Variants in TIMD4 observed in about 807,000 individuals in gnomAD.
TIMD4 encodes T-cell immunoglobulin and mucin domain-containing protein 4.
TIMD4 carries 31 observed loss-of-function variants against 41.2 expected under a neutral mutation model. That is an observed-to-expected ratio of 0.75 (90% CI 0.57 to 1.01). The LOEUF (loss-of-function observed/expected upper bound fraction) is 1.01. TIMD4 is among the 50% of genes least tolerant of loss of function. The pLI is 0.00. For synonymous variants in TIMD4, 204 were observed against 177.1 expected (o/e 1.15, Z -1.21); for missense variants, 479 against 472.5 (o/e 1.01, Z -0.13).
At chr5:156,935,598 A>G (rs1367807277) in intron 5 of TIMD4, 1 of 152,202 alleles carries the variant, frequency 6.6e-6, no homozygotes, top group Non-Finnish European at 1.5e-5. Context: ...TGTGGTTCAG[A>G]AAGAGAAAGA....
intron 5 of TIMD4, among the ~76,000 whole-genome samples, chr5:156,933,926 A>G (rs967025924): frequency 6.6e-6 from 1 of 152,088 alleles, no homozygotes. Flanking sequence ...AACAACCCCC[A>G]TGGTATCAAG....
At chr5:156,932,127 TAA>T (rs1426104681) in intron 5 of TIMD4, among the ~76,000 whole-genome samples, 1 of 152,152 alleles carries the variant, frequency 6.6e-6, no homozygotes, top group African/African-American at 2.4e-5. Context: ...AAAAGAAACA[TAA>T]AGACTAAATA....
At chr5:156,953,621 T>C (rs2113387818) in intron 2 of TIMD4, among the ~76,000 whole-genome samples, 1 of 120,304 alleles carries the variant, frequency 8.3e-6, no homozygotes, top group South Asian at 2.8e-4. Flanking sequence ...GCCACTGTAC[T>C]CCAGCCTGGG....
intron 5 of TIMD4, among the ~76,000 whole-genome samples, chr5:156,928,501 T>C (rs1003222208): frequency 3.3e-5 from 5 of 152,172 alleles, no homozygotes; most frequent in African/African-American, 7.2e-5. Flanking sequence ...TAAAGTCATA[T>C]GTACAATAAA....
chr5:156,922,059 G>A, intron 7 of TIMD4, 40 bp downstream of exon 7: 1 of 1,515,740 alleles, frequency 6.6e-7, no homozygotes, highest in Non-Finnish European at 9.1e-7. Flanking sequence ...GCAGTCGCCA[G>A]GGTTCTGAAG....
intron 5 of TIMD4, among the ~76,000 whole-genome samples, chr5:156,936,932 GAAAAAA>G (rs979433463): frequency 4.3e-5 from 4 of 92,624 alleles, no homozygotes; most frequent in East Asian, 3.2e-4. Flanking sequence ...ACTCCGTCTG[GAAAAAA>G]AAAAAAAAAA....
chr5:156,922,172 G>A lies in TIMD4; in HGVS notation c.939C>T (p.Ser313=). 1 of 1,614,020 alleles carries A rather than the reference G, an allele frequency of 6.2e-7. No individual in the cohort carries two copies. The change falls in exon 7 of 9, where the codon TCC becomes TCT. Residue 313 remains serine (S), a synonymous_variant. Transcript: ENST00000274532. ...PMSMKNEMPI[S]QLLMIIAPSL... is the part of the protein sequence containing the mutation. ...AGGGGGCGATGATCATCAGTAGTTG[G>A]GAGATGGGCATTTCATTCTTCATTG...
intron 5 of TIMD4, among the ~76,000 whole-genome samples, chr5:156,936,525 A>G (rs566246501): frequency 6.6e-6 from 1 of 152,260 alleles, no homozygotes; most frequent in East Asian, 1.9e-4. Context: ...GTAGGAAGGG[A>G]CAGAGCAAAT....
chr5:156,934,287 C>T (rs553189579), intron 5 of TIMD4, among the ~76,000 whole-genome samples: 7 of 152,020 alleles, frequency 4.6e-5, no homozygotes, highest in Non-Finnish European at 8.8e-5. Flanking sequence ...GTTCTGTCGC[C>T]TAGGCTTAAG....
intron 2 of TIMD4, among the ~76,000 whole-genome samples, chr5:156,953,664 AAAAAAAAAAAAGAG>A (rs1759906824): frequency 6.9e-6 from 1 of 145,930 alleles, no homozygotes; most frequent in African/African-American, 2.7e-5. Context: ...AAAAAAAAAA[AAAAAAAAAAAAGAG>A]AGAGAGAGAG....
chr5:156,922,130 G>T lies in TIMD4; in HGVS notation c.981C>A (p.Leu327=). The change falls in exon 7 of 9, where the codon CTC becomes CTA. Residue 327 remains leucine (L), a synonymous_variant. Coordinates refer to ENST00000274532, the MANE Select transcript of TIMD4 (RefSeq NM_138379.3). The part of the protein sequence containing the change: ...MIIAPSLGFV[L]FALFVAFLLR... ...GGAGAAACGCCACAAACAATGCGAA[G>T]AGCACAAATCCCAAGGAGGGGGCGA... 6.2e-7 allele frequency: 1 copy of T among 1,613,922 alleles called. No individual in the cohort carries two copies. Among genetic ancestry groups the T allele is most frequent in the Non-Finnish European group, 8.5e-7 (1 of 1,179,884 alleles).
chr5:156,947,838 A>G (rs1759772514), intron 5 of TIMD4, among the ~76,000 whole-genome samples: 1 of 152,234 alleles, frequency 6.6e-6, no homozygotes, highest in South Asian at 2.1e-4. Flanking sequence ...GGGATTGAAG[A>G]CAAGGAGTGA....
At chr5:156,946,820 CCTT>C (rs1759753107) in intron 5 of TIMD4, among the ~76,000 whole-genome samples, 1 of 151,858 alleles carries the variant, frequency 6.6e-6, no homozygotes, top group South Asian at 2.1e-4. Context: ...TACATTGTCT[CCTT>C]CACAGAATTA....
At chr5:156,949,508 G>A in intron 4 of TIMD4, 143 bp downstream of exon 4, 2 of 670,200 alleles carry the variant, frequency 3.0e-6, no homozygotes, top group South Asian at 3.1e-5. Context: ...AGGCTGCCTT[G>A]AGGCCAATTT....
intron 1 of TIMD4, among the ~76,000 whole-genome samples, chr5:156,955,879 G>A (rs145946993): frequency 0.022 from 3,356 of 152,194 alleles, 58 homozygotes; most frequent in South Asian, 0.064. Flanking sequence ...TATATTTATA[G>A]GATACAATGT....
At chr5:156,957,448 G>C (rs1469831967) in intron 1 of TIMD4, among the ~76,000 whole-genome samples, 1 of 150,140 alleles carries the variant, frequency 6.7e-6, no homozygotes, top group Non-Finnish European at 1.5e-5. Context: ...AGGAGGCGGA[G>C]GTTGCAGTGA....
At position 156,922,173 on chromosome 5, in the gene TIMD4, G is replaced by C; in HGVS notation, c.938C>G (p.Ser313Cys). 6.2e-7 allele frequency: 1 copy of C among 1,614,054 alleles called. No individual in the cohort carries two copies. Among genetic ancestry groups the C allele is most frequent in the Non-Finnish European group, 8.5e-7 (1 of 1,179,966 alleles). Residue 313 changes from serine to cysteine, a missense_variant, in exon 7 of 9, where the codon TCC becomes TGC. Physicochemically the swap from Ser to Cys is moderately radical, Grantham distance 112. Coordinates refer to ENST00000274532, the MANE Select transcript of TIMD4 (RefSeq NM_138379.3). ...GGGGGCGATGATCATCAGTAGTTGG[G>C]AGATGGGCATTTCATTCTTCATTGA... is the stretch of plus-strand genomic sequence containing the variant. ...PMSMKNEMPI[S>C]QLLMIIAPSL...
chr5:156,931,766 C>T (rs1759447973), intron 5 of TIMD4, among the ~76,000 whole-genome samples: 2 of 152,316 alleles, frequency 1.3e-5, no homozygotes, highest in South Asian at 4.1e-4. Flanking sequence ...GCCCCTCAGC[C>T]TTCCTCACTG....
At chr5:156,946,290 T>C (rs914986619) in intron 5 of TIMD4, among the ~76,000 whole-genome samples, 6 of 152,302 alleles carry the variant, frequency 3.9e-5, no homozygotes, top group African/African-American at 1.4e-4. Context: ...GTTTGGATCT[T>C]TGGCACCCCA....
Sources: gnomAD v4.1 joint callset for allele counts (sites outside exome capture counted in the v4.1 genomes callset) on GRCh38, gnomAD v4.1.1 for gene constraint, MANE v1.5 for transcripts, NCBI Gene and HGNC (gene_info 2026-07-23, HGNC 2026-07-21) for gene names.